The following NXPH1 variants were observed in gnomAD, a reference collection of about 807,000 sequenced individuals.
The protein encoded by NXPH1 is neurexophilin-1.
NXPH1 carries 5 observed loss-of-function variants against 23.7 expected under a neutral mutation model. The observed-to-expected ratio is 0.21, with a 90% CI of 0.11 to 0.44. NXPH1 has a LOEUF of 0.44. Among genes scored for constraint, NXPH1 ranks in the 20% least tolerant of loss-of-function variants. The pLI is 0.99. For synonymous variants in NXPH1, 144 were observed against 122.2 expected, an observed-to-expected ratio of 1.18 and a Z score of -1.18; for missense variants, 324 against 321.6, an observed-to-expected ratio of 1.01 and a Z score of -0.06.
Position 8,433,698 on chromosome 7 carries a change from T to C in NXPH1, c.-1168T>C, listed in dbSNP as rs1215389213. Among the ~76,000 whole-genome samples, 1 of 151,818 alleles carries C rather than the reference T, an allele frequency of 6.6e-6. No homozygotes were observed. The highest frequency in any genetic ancestry group is 1.5e-5 in the Non-Finnish European group (1 of 67,900). ...AGCCACAGGTCGGAGGCGCCCGGCG[T>C]CGGCGCTCGAGGCCGGCAGGGGCGC... On this transcript the variant is annotated 5_prime_UTR_variant, in exon 1 of 3. Coordinates refer to ENST00000405863, the MANE Select transcript of NXPH1 (RefSeq NM_152745.3). This position sits in a 1 kb window ranked among gnomAD's most constrained non-coding sequence, Gnocchi z 6.8.
At chr7:8,616,410 A>G (rs1019865751) in intron 2 of NXPH1, among the ~76,000 whole-genome samples, 4 of 151,884 alleles carry the variant, frequency 2.6e-5, no homozygotes, top group African/African-American at 9.7e-5. Flanking sequence ...ACCATCCCAC[A>G]TTTTATAAAT....
At chr7:8,627,966 G>C (rs1208047562) in intron 2 of NXPH1, among the ~76,000 whole-genome samples, 1 of 152,112 alleles carries the variant, frequency 6.6e-6, no homozygotes, top group Admixed American at 6.6e-5. Flanking sequence ...ATTACAAAAA[G>C]AGAAGGACAA....
rs573519228 is a variant in NXPH1, at chr7:8,582,610, T to G, written c.54+146843T>G. Among the ~76,000 whole-genome samples, 37 of 152,268 alleles carry G rather than the reference T, an allele frequency of 2.4e-4. No homozygotes were observed. In the South Asian group the frequency reaches 7.7e-3, roughly 32 times the overall value. On this transcript the variant is annotated intron_variant, in intron 2 of 2. Transcript: ENST00000405863. The stretch of plus-strand genomic sequence containing the variant: ...TGGTGACCCGAAGTGGGTTGCTTCT[T>G]CCTGTAGCTGGTAGTTCAGACAACT...
At chr7:8,581,794 G>A (rs772586392) in intron 2 of NXPH1, among the ~76,000 whole-genome samples, 47 of 152,124 alleles carry the variant, frequency 3.1e-4, no homozygotes, top group Non-Finnish European at 4.6e-4. Context: ...GGGAGGGAGA[G>A]TACAGGAGGT....
intron 2 of NXPH1, among the ~76,000 whole-genome samples, chr7:8,582,245 A>G (rs779666283): frequency 2.0e-5 from 3 of 152,202 alleles, no homozygotes; most frequent in Non-Finnish European, 4.4e-5. Context: ...CCTGGCTCTG[A>G]GAGCCTCCAG....
chr7:8,668,407 T>C (rs1820813977), intron 2 of NXPH1, among the ~76,000 whole-genome samples: 1 of 152,204 alleles, frequency 6.6e-6, no homozygotes, highest in African/African-American at 2.4e-5. Flanking sequence ...GCAGGCCATT[T>C]GCTACAGTTT....
At chr7:8,705,798 C>G (rs1035716318) in intron 2 of NXPH1, among the ~76,000 whole-genome samples, 1 of 152,134 alleles carries the variant, frequency 6.6e-6, no homozygotes, top group Non-Finnish European at 1.5e-5. Flanking sequence ...AGTCTTACCT[C>G]AGGGCTATGT....
At chr7:8,656,328 T>C (rs1225674418) in intron 2 of NXPH1, among the ~76,000 whole-genome samples, 2 of 152,188 alleles carry the variant, frequency 1.3e-5, no homozygotes, top group African/African-American at 4.8e-5. Flanking sequence ...ATAAAAGCTT[T>C]TTAAAATTAA....
At chr7:8,621,883 G>A (rs541734108) in intron 2 of NXPH1, among the ~76,000 whole-genome samples, 1 of 152,228 alleles carries the variant, frequency 6.6e-6, no homozygotes, top group South Asian at 2.1e-4. Context: ...CCCTGTAAGT[G>A]GATGAGGCAG....
At chr7:8,586,610 T>C (rs900412931) in intron 2 of NXPH1, among the ~76,000 whole-genome samples, 1 of 151,116 alleles carries the variant, frequency 6.6e-6, no homozygotes, top group Non-Finnish European at 1.5e-5. Flanking sequence ...AGGAATGGCA[T>C]GTTAAGAGAA....
intron 2 of NXPH1, among the ~76,000 whole-genome samples, chr7:8,710,246 G>T (rs1779766026): frequency 6.6e-6 from 1 of 152,198 alleles, no homozygotes; most frequent in Non-Finnish European, 1.5e-5. Flanking sequence ...AGGTTGGGCA[G>T]CTTCCTGATT....
chr7:8,673,251 T>C (rs567613757), intron 2 of NXPH1, among the ~76,000 whole-genome samples: 1 of 152,262 alleles, frequency 6.6e-6, no homozygotes, highest in Non-Finnish European at 1.5e-5. Flanking sequence ...TTGAGTGAGA[T>C]AGCCAAACAT....
intron 2 of NXPH1, among the ~76,000 whole-genome samples, chr7:8,678,218 A>G (rs988624577): frequency 6.6e-6 from 1 of 152,174 alleles, no homozygotes; most frequent in East Asian, 1.9e-4. Context: ...GGTCTACAAA[A>G]CTCACCAAGT....
chr7:8,712,460 A>G (rs577633615), intron 2 of NXPH1, among the ~76,000 whole-genome samples: 6 of 152,336 alleles, frequency 3.9e-5, no homozygotes, highest in South Asian at 4.1e-4. Flanking sequence ...AAGTCAGTCA[A>G]TAGTGCCCAC....
At chr7:8,447,863 C>G (rs575813720) in intron 2 of NXPH1, among the ~76,000 whole-genome samples, 1 of 152,196 alleles carries the variant, frequency 6.6e-6, no homozygotes, top group Non-Finnish European at 1.5e-5. Flanking sequence ...GGCAAAGCCA[C>G]GTGCCTCCAG....
At chr7:8,681,607 A>G (rs1006061540) in intron 2 of NXPH1, among the ~76,000 whole-genome samples, 1 of 152,236 alleles carries the variant, frequency 6.6e-6, no homozygotes, top group African/African-American at 2.4e-5. Context: ...GTAAAGGGCA[A>G]TTACAATACT....
At chr7:8,542,279 T>C (rs1267466008) in intron 2 of NXPH1, among the ~76,000 whole-genome samples, 3 of 151,590 alleles carry the variant, frequency 2.0e-5, no homozygotes, top group Non-Finnish European at 4.4e-5. Flanking sequence ...ATTCATTAAA[T>C]GGTCATGTAA....
At chr7:8,679,448 G>GT (rs1210779944) in intron 2 of NXPH1, among the ~76,000 whole-genome samples, 3 of 152,102 alleles carry the variant, frequency 2.0e-5, no homozygotes, top group Admixed American at 6.6e-5. Context: ...TGGCCAGGAT[G>GT]TTTTTTAATT....
intron 2 of NXPH1, among the ~76,000 whole-genome samples, chr7:8,479,975 G>A (rs1173792277): frequency 1.3e-5 from 2 of 151,968 alleles, no homozygotes; most frequent in African/African-American, 4.8e-5. Flanking sequence ...TTTCCAATAA[G>A]ATAAAAAATA....
Sources: gnomAD v4.1 joint callset for allele counts (sites outside exome capture counted in the v4.1 genomes callset) on GRCh38, gnomAD v4.1.1 for gene constraint, Gnocchi (gnomAD v3.1) non-coding constraint, MANE v1.5 for transcripts, NCBI Gene and HGNC (gene_info 2026-07-23, HGNC 2026-07-21) for gene names.